The following CDH4 variants were observed in gnomAD, a reference collection of about 807,000 sequenced individuals.
The protein encoded by CDH4 is cadherin-4.
CDH4 carries 33 observed loss-of-function variants against 86.0 expected under a neutral mutation model. That is an observed-to-expected ratio of 0.38 (90% CI 0.29 to 0.51). CDH4 has a LOEUF of 0.51. Ranked by LOEUF, CDH4 falls within the 20% of genes least tolerant of loss-of-function variation. CDH4 has a pLI of 0.86. For synonymous variants in CDH4, 555 were observed against 549.4 expected (o/e 1.01, Z -0.14); for missense variants, 1,114 against 1,307.4 (o/e 0.85, Z 2.28).
chr20:61,852,089 A>G (rs1439671426), intron 5 of CDH4, among the ~76,000 whole-genome samples: 1 of 151,996 alleles, frequency 6.6e-6, no homozygotes, highest in Non-Finnish European at 1.5e-5. Flanking sequence ...TGACGTTCCC[A>G]GGAGCTCCAC....
rs560581396 is a variant in CDH4 at position 61,425,911 on chromosome 20, G to T, written c.169+170974G>T. ...GACGTTCTCGAGGGCCCCGCCCAGG[G>T]CAGGATGGCCAATTGCAGGAGGTGC... On this transcript the variant is annotated intron_variant, in intron 2 of 15. Coordinates refer to ENST00000614565, the MANE Select transcript of CDH4 (RefSeq NM_001794.5). Among the ~76,000 whole-genome samples the T allele has an allele frequency of 5.3e-5, 8 of 152,244 alleles. No homozygotes were observed. The South Asian group carries it at 1.2e-3, about 24-fold the overall frequency.
intron 2 of CDH4, among the ~76,000 whole-genome samples, chr20:61,542,077 G>A (rs1224803281): frequency 1.3e-5 from 2 of 152,130 alleles, no homozygotes; most frequent in African/African-American, 4.8e-5. Context: ...AAAGCAGCCG[G>A]GAATGCTGAG....
intron 4 of CDH4, among the ~76,000 whole-genome samples, chr20:61,809,231 C>T (rs1980302306): frequency 6.6e-6 from 1 of 152,180 alleles, no homozygotes; most frequent in African/African-American, 2.4e-5. Flanking sequence ...TCATGACCCG[C>T]CATGGTGGTC....
At position 61,937,347 on chromosome 20, in the gene CDH4, C is replaced by G. The variant is rs1219404747; in HGVS notation, c.*404C>G. 6.3e-6 allele frequency: 1 copy of G among 157,810 alleles called. No individual in the cohort carries two copies. Among genetic ancestry groups the G allele is most frequent in the Admixed American group, 6.5e-5 (1 of 15,412 alleles). The allele number at this position is 157,810 out of a possible 1,614,324, so 9.8% of individuals were successfully genotyped here. ...AGACAGACCGTCCCCACCTTCCCAT[C>G]CCGAGCGGCCTCCAACCCCAGCTAG... On this transcript the variant is annotated 3_prime_UTR_variant, in exon 16 of 16. Transcript: ENST00000614565.
intron 2 of CDH4, among the ~76,000 whole-genome samples, chr20:61,458,596 C>A (rs2085423365): frequency 6.6e-6 from 1 of 151,540 alleles, no homozygotes; most frequent in Admixed American, 6.6e-5. Flanking sequence ...TTTGGATAGT[C>A]ATAATGGTAA....
chr20:61,443,914 G>C (rs1216946880), intron 2 of CDH4, among the ~76,000 whole-genome samples: 1 of 151,118 alleles, frequency 6.6e-6, no homozygotes, highest in Non-Finnish European at 1.5e-5. Flanking sequence ...GTGTATGTCT[G>C]TATCTCTGTG....
In CDH4 at chr20:61,827,456, G is replaced by A. The variant is rs530788900; in HGVS notation, c.577-17212G>A. Among the ~76,000 whole-genome samples the A allele has an allele frequency of 1.5e-3, 221 of 152,322 alleles. 3 individuals are homozygous for A. The highest frequency in any genetic ancestry group is 5.2e-3 in the African/African-American group (216 of 41,574). ...ATAAAGCAAATGAATAAGTATTGAG[G>A]ACCAGGATTATTGGTATGGGAGAAA... On this transcript the variant is annotated intron_variant, in intron 4 of 15. Transcript: ENST00000614565.
intron 8 of CDH4, among the ~76,000 whole-genome samples, chr20:61,908,283 G>A (rs1201385584): frequency 6.6e-6 from 1 of 152,142 alleles, no homozygotes; most frequent in Non-Finnish European, 1.5e-5. Context: ...GGGGACCAGC[G>A]TATTTCATTT....
At chr20:61,458,464 T>C (rs2085422537) in intron 2 of CDH4, among the ~76,000 whole-genome samples, 1 of 150,050 alleles carries the variant, frequency 6.7e-6, no homozygotes, top group Admixed American at 6.7e-5. Context: ...GTGATGGCAG[T>C]GCTGACACTG....
chr20:61,636,183 T>C (rs925971913), intron 2 of CDH4, among the ~76,000 whole-genome samples: 2 of 152,224 alleles, frequency 1.3e-5, no homozygotes, highest in African/African-American at 4.8e-5. Context: ...TGGCCGTTGC[T>C]GAAATTTTTA....
At chr20:61,254,441 C>T (rs139249735) in intron 1 of CDH4, among the ~76,000 whole-genome samples, 159 of 152,196 alleles carry the variant, frequency 1.0e-3, no homozygotes, top group Middle Eastern at 6.8e-3. Context: ...TGAGCAGAGC[C>T]GCCCACACTT....
intron 2 of CDH4, among the ~76,000 whole-genome samples, chr20:61,565,243 CGGTG>C (rs1568688659): frequency 2.8e-4 from 10 of 35,544 alleles, no homozygotes; most frequent in African/African-American, 3.9e-4. Flanking sequence ...GTGGTGGTGG[CGGTG>C]CTCTTGGTGA....
rs1457322278 is a variant in CDH4 at position 61,663,162 on chromosome 20, C to T, written c.170-80401C>T. Reference sequence around the variant, plus strand: ...AGAAATGGAAATGAGGCTACTGGGCCTGCAGCTCCATGAGTGTCCACGCCT... The same window carrying T: ...AGAAATGGAAATGAGGCTACTGGGCTTGCAGCTCCATGAGTGTCCACGCCT... On this transcript the variant is annotated intron_variant, in intron 2 of 15. Transcript: ENST00000614565. The surrounding 1 kb of genome is among the most constrained non-coding windows in gnomAD (Gnocchi z 5.0). Among the ~76,000 whole-genome samples, 1 of 152,228 alleles carries T rather than the reference C, an allele frequency of 6.6e-6. No individual in the cohort carries two copies. The highest frequency in any genetic ancestry group is 1.5e-5 in the Non-Finnish European group (1 of 68,042).
In CDH4 at chr20:61,847,021, A is replaced by G. The variant is rs561705780; in HGVS notation, c.732+2198A>G. ...AGGACCCAGCACTTGCTGAATGCAC[A>G]GTGATTCCCAGGTGACCTGCACCAG... On this transcript the variant is annotated intron_variant, in intron 5 of 15. Transcript: ENST00000614565. 1.3e-4 allele frequency among the ~76,000 whole-genome samples: 20 copies of G among 152,334 alleles called. No individual in the cohort carries two copies. The South Asian group carries it at 3.3e-3, about 25-fold the overall frequency.
intron 2 of CDH4, among the ~76,000 whole-genome samples, chr20:61,736,718 C>T (rs185276500): frequency 1.2e-4 from 19 of 152,170 alleles, no homozygotes; most frequent in Admixed American, 9.1e-4. Flanking sequence ...TATCCAGAGG[C>T]GCATTCACGA....
At chr20:61,346,029 A>G (rs2084677563) in intron 2 of CDH4, among the ~76,000 whole-genome samples, 1 of 152,232 alleles carries the variant, frequency 6.6e-6, no homozygotes, top group Non-Finnish European at 1.5e-5. Context: ...CACACAGGGA[A>G]GTACACAGTG....
intron 6 of CDH4, among the ~76,000 whole-genome samples, chr20:61,873,516 C>G (rs558762145): frequency 7.9e-5 from 12 of 152,380 alleles, no homozygotes; most frequent in African/African-American, 2.9e-4. Flanking sequence ...AAAGGAACCT[C>G]AAGCTCTAGA....
chr20:61,383,218 A>C (rs1049833964), intron 2 of CDH4, among the ~76,000 whole-genome samples: 2 of 72,302 alleles, frequency 2.8e-5, no homozygotes, highest in Non-Finnish European at 5.3e-5. Context: ...AATATATATG[A>C]ATATATTATA....
At chr20:61,720,097 G>A (rs143935162) in intron 2 of CDH4, among the ~76,000 whole-genome samples, 33 of 152,238 alleles carry the variant, frequency 2.2e-4, no homozygotes, top group Non-Finnish European at 4.6e-4. Context: ...GTTGGGGAGT[G>A]CCGCCTGCTG....
Sources: gnomAD v4.1 joint callset for allele counts (sites outside exome capture counted in the v4.1 genomes callset) on GRCh38, gnomAD v4.1.1 for gene constraint, Gnocchi (gnomAD v3.1) non-coding constraint, MANE v1.5 for transcripts, NCBI Gene and HGNC (gene_info 2026-07-23, HGNC 2026-07-21) for gene names.